The following ASPH variants were observed in gnomAD, a reference collection of about 807,000 sequenced individuals.
ASPH encodes aspartyl/asparaginyl beta-hydroxylase.
Under a neutral mutation model 118.4 loss-of-function variants are expected in ASPH, and 100 were observed. That is an observed-to-expected ratio of 0.84 (90% CI 0.72 to 1.00). The LOEUF (loss-of-function observed/expected upper bound fraction) is 1.00, where lower values mean the gene tolerates loss of function less well. ASPH is among the 50% of genes least tolerant of loss of function. The pLI is 0.00. For synonymous variants in ASPH, 315 were observed against 325.6 expected, an observed-to-expected ratio of 0.97 and a Z score of 0.35; for missense variants, 920 against 919.5, an observed-to-expected ratio of 1.00 and a Z score of -0.01.
chr8:61,637,932 A>G lies in ASPH; in HGVS notation c.889+15T>C, dbSNP rs746354657. The G allele has an allele frequency of 2.2e-5, 35 of 1,603,024 alleles. No homozygotes were observed. The highest frequency in any genetic ancestry group is 1.7e-4 in the Middle Eastern group (1 of 5,906). On this transcript the variant is annotated intron_variant, in intron 12 of 24. Coordinates refer to ENST00000379454, the MANE Select transcript of ASPH (RefSeq NM_004318.4). ...TCATATGGAAGGTAAAACCACTTCC[A>G]TAAATTTATCTTACCTTCTACAATT...
In ASPH at chr8:61,651,043, T is replaced by C. The variant is rs374455240; in HGVS notation, c.490+7A>G. On this transcript the variant is annotated splice_region_variant and intron_variant, in intron 5 of 24. Coordinates refer to ENST00000379454, the MANE Select transcript of ASPH (RefSeq NM_004318.4). ...ACTCAAAACAAAGAGCAGATTTTAA[T>C]TCATACCATGTTCTGCGTGTACCAT... 6.7e-5 allele frequency: 108 copies of C among 1,606,868 alleles called. No homozygotes were observed. The highest frequency in any genetic ancestry group is 8.3e-5 in the Non-Finnish European group (98 of 1,176,886).
At chr8:61,599,388 G>T (rs1441300396) in intron 14 of ASPH, among the ~76,000 whole-genome samples, 1 of 151,476 alleles carries the variant, frequency 6.6e-6, no homozygotes, top group African/African-American at 2.4e-5. Context: ...GTTAATGGGT[G>T]CAGCACAGCA....
intron 15 of ASPH, among the ~76,000 whole-genome samples, chr8:61,580,660 A>C (rs929596217): frequency 2.5e-4 from 38 of 152,232 alleles, no homozygotes; most frequent in African/African-American, 8.9e-4. Context: ...GTCTATTCCC[A>C]GTATTTCTTG....
intron 16 of ASPH, among the ~76,000 whole-genome samples, chr8:61,572,982 A>C (rs1228245209): frequency 1.2e-4 from 18 of 151,952 alleles, no homozygotes; most frequent in Non-Finnish European, 1.5e-5. Context: ...CACCCCTAAA[A>C]CTCCTTAAGC....
In ASPH at chr8:61,517,636, C is replaced by T; in HGVS notation, c.2018G>A (p.Gly673Glu). 6.2e-7 allele frequency: 1 copy of T among 1,614,030 alleles called. No individual in the cohort carries two copies. The highest frequency in any genetic ancestry group is 8.5e-7 in the Non-Finnish European group (1 of 1,179,946). ...CCCTGTGTGCGGCCACACGTGAGTC[C>T]CGGGGTGCATGATGGAATATTTGAT... is the stretch of plus-strand genomic sequence containing the variant. ...GQIKYSIMHP[G>E]THVWPHTGPT... The change falls in exon 24 of 25, where the codon GGG becomes GAG. Residue 673 changes from glycine (G) to glutamate (E), a missense_variant. By Grantham distance (98) the Gly-to-Glu change is moderately conservative. Transcript: ENST00000379454.
chr8:61,665,256 C>A (rs1420118579), intron 3 of ASPH: 1 of 1,587,834 alleles, frequency 6.3e-7, no homozygotes, highest in South Asian at 1.2e-5. Context: ...GAGCTTTAGC[C>A]GTTTCTTTTC....
chr8:61,545,837 T>C (rs1410489937), intron 21 of ASPH, among the ~76,000 whole-genome samples: 2 of 152,206 alleles, frequency 1.3e-5, no homozygotes, highest in Non-Finnish European at 2.9e-5. Flanking sequence ...GGTTTAAGAA[T>C]AATCTCATAT....
chr8:61,544,956 G>A (rs1435827829), intron 21 of ASPH, among the ~76,000 whole-genome samples: 1 of 152,198 alleles, frequency 6.6e-6, no homozygotes, highest in East Asian at 1.9e-4. Context: ...ATATATGAGA[G>A]AAGGAAAACA....
chr8:61,587,612 GA>G (rs142518063), intron 14 of ASPH, among the ~76,000 whole-genome samples: 50 of 152,256 alleles, frequency 3.3e-4, no homozygotes, highest in African/African-American at 1.2e-3. Context: ...GCTTGTTAAT[GA>G]GCAATGCTGT....
chr8:61,613,512 T>G lies in ASPH; in HGVS notation c.976+5466A>C, dbSNP rs1848104446. 3.3e-5 allele frequency among the ~76,000 whole-genome samples: 5 copies of G among 152,346 alleles called. No individual in the cohort carries two copies. The South Asian group carries it at 1.0e-3, about 32-fold the overall frequency. On this transcript the variant is annotated intron_variant, in intron 14 of 24. Coordinates refer to ENST00000379454, the MANE Select transcript of ASPH (RefSeq NM_004318.4). ...GGTTGGTCATGGTTCCTACTCTTAA[T>G]AAGCTTTTTGTCTAGAAATTAAAAG...
chr8:61,643,346 A>C lies in ASPH; in HGVS notation c.757+40T>G, dbSNP rs371014911. 40 of 1,571,898 alleles carry C rather than the reference A, an allele frequency of 2.5e-5. No homozygotes were observed. The Middle Eastern group carries it at 8.5e-4, about 33-fold the overall frequency. On this transcript the variant is annotated intron_variant, in intron 9 of 24. Coordinates refer to ENST00000379454, the MANE Select transcript of ASPH (RefSeq NM_004318.4). ...ACACAGCATGTGATTGAAAAATCTA[A>C]GGTAATATTTTAAATCTAATGAAAA...
chr8:61,552,863 G>A (rs1293781586), intron 20 of ASPH, among the ~76,000 whole-genome samples, 168 bp downstream of exon 20: 3 of 152,180 alleles, frequency 2.0e-5, no homozygotes, highest in African/African-American at 4.8e-5. Context: ...GGGTTAAGCT[G>A]GAGTTGTTGG....
chr8:61,543,502 G>A (rs1291495220), intron 21 of ASPH, among the ~76,000 whole-genome samples: 1 of 151,894 alleles, frequency 6.6e-6, no homozygotes, highest in Non-Finnish European at 1.5e-5. Context: ...TTCTCTATTT[G>A]GGGAGACGTC....
At position 61,585,225 on chromosome 8, in the gene ASPH, T is replaced by A. The variant is rs554166570; in HGVS notation, c.977-1196A>T. On this transcript the variant is annotated intron_variant, in intron 14 of 24. Transcript: ENST00000379454. ...CCGAAGGCAAGGCACACCCAGCAGG[T>A]GAGAGGGCCAGTCCTGCTGGTGCAC... Among the ~76,000 whole-genome samples the A allele has an allele frequency of 3.9e-5, 6 of 152,172 alleles. No homozygotes were observed. The East Asian group carries it at 9.7e-4, about 25-fold the overall frequency.
At chr8:61,653,168 T>G (rs1356744180) in intron 4 of ASPH, among the ~76,000 whole-genome samples, 1 of 152,148 alleles carries the variant, frequency 6.6e-6, no homozygotes, top group African/African-American at 2.4e-5. Context: ...GAGACCCTCA[T>G]GTAAAAAAGA....
chr8:61,617,120 G>C (rs1167428701), intron 14 of ASPH, among the ~76,000 whole-genome samples: 2 of 152,152 alleles, frequency 1.3e-5, no homozygotes, highest in Non-Finnish European at 2.9e-5. Context: ...AAAGACCCAG[G>C]CTGTGAGTAA....
At chr8:61,545,192 G>A (rs781543234) in intron 21 of ASPH, among the ~76,000 whole-genome samples, 11 of 152,142 alleles carry the variant, frequency 7.2e-5, no homozygotes, top group Non-Finnish European at 8.8e-5. Context: ...CCTTTGGGAG[G>A]TGATTTAGGC....
At chr8:61,659,243 T>TCCC (rs1815460654) in intron 3 of ASPH, 2 of 152,228 alleles carry the variant, frequency 1.3e-5, no homozygotes, top group African/African-American at 4.8e-5. Flanking sequence ...ATCTCTTGTA[T>TCCC]CCCCCATGCC....
At chr8:61,711,671 A>G (rs1838096004) in intron 1 of ASPH, among the ~76,000 whole-genome samples, 1 of 151,962 alleles carries the variant, frequency 6.6e-6, no homozygotes, top group Admixed American at 6.5e-5. Flanking sequence ...AAAAGAAATC[A>G]CCTTTTCCCT....
Sources: allele counts gnomAD v4.1 joint callset (sites outside exome capture counted in the v4.1 genomes callset), GRCh38; gene constraint gnomAD v4.1.1; transcripts MANE v1.5; gene names NCBI Gene and HGNC (gene_info 2026-07-23, HGNC 2026-07-21).